RTRAF: variants seen among roughly 807,000 people sequenced by gnomAD.
RTRAF encodes tRNA-splicing ligase complex subunit RTRAF.
RTRAF carries 14 observed loss-of-function variants against 34.4 expected under a neutral mutation model. That is an observed-to-expected ratio of 0.41 (90% CI 0.27 to 0.64). RTRAF has a LOEUF of 0.64. Ranked by LOEUF, RTRAF falls within the 30% of genes least tolerant of loss-of-function variation. The pLI is 0.34. For synonymous variants in RTRAF, 96 were observed against 95.3 expected, an observed-to-expected ratio of 1.01 and a Z score of -0.04; for missense variants, 291 against 288.4, an observed-to-expected ratio of 1.01 and a Z score of -0.06.
In RTRAF at chr14:52,006,445, G is replaced by C. The variant is rs746378402; in HGVS notation, c.*1929G>C. 8.9e-5 allele frequency: 130 copies of C among 1,457,868 alleles called. No individual in the cohort carries two copies. The highest frequency in any genetic ancestry group is 1.9e-4 in the Middle Eastern group (1 of 5,400). The allele number at this position is 1,457,868 out of a possible 1,614,324, so 90.3% of individuals were successfully genotyped here. ...ACAAAAGCCTCAGAGGGCTTAATGAGTCAAGTCAGGTACTGACTTTTGGTA... is the reference window on the plus strand; with the variant it reads ...ACAAAAGCCTCAGAGGGCTTAATGACTCAAGTCAGGTACTGACTTTTGGTA... On this transcript the variant is annotated 3_prime_UTR_variant, in exon 8 of 8. Transcript: ENST00000261700.
chr14:51,993,641 T>C, intron 2 of RTRAF, 82 bp from the exon 3 acceptor site: 1 of 795,772 alleles, frequency 1.3e-6, no homozygotes. Context: ...CAAACTAAGG[T>C]CTCTTTCAAC....
intron 6 of RTRAF, among the ~76,000 whole-genome samples, chr14:52,003,701 A>T (rs1890647404): frequency 6.6e-6 from 1 of 152,000 alleles, no homozygotes; most frequent in Non-Finnish European, 1.5e-5. Flanking sequence ...AAGTCTTGAA[A>T]GTTAAATTAT....
chr14:51,989,807 C>T, intron 1 of RTRAF, 107 bp downstream of exon 1: 1 of 1,154,474 alleles, frequency 8.7e-7, no homozygotes, highest in Non-Finnish European at 1.2e-6. Context: ...GGCCTGGTTT[C>T]CGCCGGCAGC....
At chr14:52,000,829 AAAGT>A (rs1890590321) in intron 5 of RTRAF, among the ~76,000 whole-genome samples, 1 of 152,188 alleles carries the variant, frequency 6.6e-6, no homozygotes, top group Non-Finnish European at 1.5e-5. Context: ...CTTTAATCAT[AAAGT>A]AAGTGAGAGG....
chr14:52,010,687 T>C lies in RTRAF; in HGVS notation c.*6171T>C. 2 of 557,062 alleles carry C rather than the reference T, an allele frequency of 3.6e-6. No individual in the cohort carries two copies. The highest frequency in any genetic ancestry group is 6.4e-6 in the Non-Finnish European group (2 of 314,080). 34.5% of individuals were successfully genotyped at this position (557,062 alleles called of 1,614,324 possible). ...TCCTCCTAATAAAATATAAGTGCCA[T>C]GAAAGAACAGACCTTGTCTTTTCCT... On this transcript the variant is annotated 3_prime_UTR_variant, in exon 8 of 8. Transcript: ENST00000261700.
chr14:51,997,066 G>A (rs1231205664), intron 3 of RTRAF, among the ~76,000 whole-genome samples: 9 of 151,962 alleles, frequency 5.9e-5, no homozygotes, highest in African/African-American at 1.2e-4. Flanking sequence ...ACGTGATAGC[G>A]ATATGTCCCA....
chr14:52,002,346 T>C (rs1890613790), intron 6 of RTRAF, among the ~76,000 whole-genome samples: 1 of 152,232 alleles, frequency 6.6e-6, no homozygotes, highest in Non-Finnish European at 1.5e-5. Flanking sequence ...TAAGGTCACC[T>C]AGTTGGTAAG....
intron 3 of RTRAF, among the ~76,000 whole-genome samples, chr14:51,995,334 A>G (rs1890502021): frequency 6.6e-6 from 1 of 151,992 alleles, no homozygotes; most frequent in South Asian, 2.1e-4. Context: ...GGCTGCCTGA[A>G]TTCCTTGACT....
intron 6 of RTRAF, 135 bp downstream of exon 6, chr14:52,002,001 A>T: frequency 2.6e-6 from 2 of 769,228 alleles, no homozygotes; most frequent in Non-Finnish European, 4.1e-6. Context: ...AGCTTACTTC[A>T]GTGCTTCCTA....
rs545679290 is a variant in RTRAF at position 52,005,526 on chromosome 14, GTGGT to G, written c.*1011_*1014del. On this transcript the variant is annotated 3_prime_UTR_variant, in exon 8 of 8. Coordinates refer to ENST00000261700, the MANE Select transcript of RTRAF (RefSeq NM_016039.3). ...GAGAGAAGAGCAGGGGTGGGACAGGGTGGTGGGTGAGTATATTGTAACCAAGTTG... is the reference window on the plus strand; with the variant it reads ...GAGAGAAGAGCAGGGGTGGGACAGGGGGGTGAGTATATTGTAACCAAGTTG... The G allele has an allele frequency of 3.1e-6, 5 of 1,592,890 alleles. No homozygotes were observed. The Admixed American group carries it at 9.0e-5, about 29-fold the overall frequency.
In RTRAF at chr14:52,008,444, A is replaced by G. The variant is rs1309690398; in HGVS notation, c.*3928A>G. On this transcript the variant is annotated 3_prime_UTR_variant, in exon 8 of 8. Coordinates refer to ENST00000261700, the MANE Select transcript of RTRAF (RefSeq NM_016039.3). Reference sequence around the variant, plus strand: ...CCATGCCTGAGGGAGCTCGGTGAAGACACACTTGGATTCCTGACTCACAGA... The same window carrying G: ...CCATGCCTGAGGGAGCTCGGTGAAGGCACACTTGGATTCCTGACTCACAGA... 6.5e-6 allele frequency: 1 copy of G among 152,964 alleles called. No homozygotes were observed. The highest frequency in any genetic ancestry group is 1.5e-5 in the Non-Finnish European group (1 of 68,598). The allele number at this position is 152,964 out of a possible 1,614,324, so 9.5% of individuals were successfully genotyped here. A position where few individuals can be genotyped will look rare whatever the true frequency, so the allele number is the denominator to read the frequency against.
At chr14:51,990,278 T>C (rs1489224428) in intron 1 of RTRAF, among the ~76,000 whole-genome samples, 2 of 152,180 alleles carry the variant, frequency 1.3e-5, no homozygotes, top group African/African-American at 4.8e-5. Flanking sequence ...TAATAGCAGA[T>C]GAGTGGGAAG....
rs1890803108 is a variant in RTRAF at position 52,006,797 on chromosome 14, A to G, written c.*2281A>G. ...ATTACAGTCATAGATTAGCAACTGT[A>G]AAATTACCTGTCCTATTACTAGTCT... On this transcript the variant is annotated 3_prime_UTR_variant, in exon 8 of 8. Coordinates refer to ENST00000261700, the MANE Select transcript of RTRAF (RefSeq NM_016039.3). 3.4e-6 allele frequency: 3 copies of G among 874,748 alleles called. No individual in the cohort carries two copies. Among genetic ancestry groups the G allele is most frequent in the Admixed American group, 2.6e-5 (1 of 38,300 alleles). 54.2% of individuals were successfully genotyped at this position (874,748 alleles called of 1,614,324 possible).
chr14:51,995,089 G>A (rs1482167871), intron 3 of RTRAF, among the ~76,000 whole-genome samples: 3 of 151,608 alleles, frequency 2.0e-5, no homozygotes, highest in East Asian at 1.9e-4. Context: ...TGTCTTATTC[G>A]TCCCAGTAAT....
In RTRAF at chr14:52,005,405, C is replaced by A; in HGVS notation, c.*889C>A. ...CGTCTAATGGCCAATTCCTTTTTTA[C>A]TTTCTTTGCCTTTGCAGTCACTGTT... On this transcript the variant is annotated 3_prime_UTR_variant, in exon 8 of 8. Transcript: ENST00000261700. The A allele has an allele frequency of 2.9e-6, 4 of 1,364,706 alleles. No individual in the cohort carries two copies. Among genetic ancestry groups the A allele is most frequent in the Non-Finnish European group, 3.9e-6 (4 of 1,022,530 alleles). 84.5% of individuals were successfully genotyped at this position (1,364,706 alleles called of 1,614,324 possible). A position where few individuals can be genotyped will look rare whatever the true frequency, so the allele number is the denominator to read the frequency against.
At chr14:52,000,137 G>C (rs1353571066) in intron 5 of RTRAF, among the ~76,000 whole-genome samples, 1 of 152,094 alleles carries the variant, frequency 6.6e-6, no homozygotes, top group Non-Finnish European at 1.5e-5. Flanking sequence ...AGGATTTTAA[G>C]CACTATAACC....
chr14:52,000,235 G>A (rs563102994), intron 5 of RTRAF, among the ~76,000 whole-genome samples: 10 of 152,124 alleles, frequency 6.6e-5, no homozygotes, highest in African/African-American at 1.2e-4. Flanking sequence ...TAAGATGGTC[G>A]AAAATGCCAA....
intron 3 of RTRAF, among the ~76,000 whole-genome samples, chr14:51,997,753 T>G (rs140162523): frequency 6.7e-6 from 1 of 149,142 alleles, no homozygotes; most frequent in Non-Finnish European, 1.5e-5. Context: ...GGTTTTTGGA[T>G]TTTATGTACA....
At chr14:51,999,628 G>A (rs1594987136) in intron 4 of RTRAF, 80 bp from the exon 5 acceptor site, 1 of 1,002,720 alleles carries the variant, frequency 1.0e-6, no homozygotes, top group East Asian at 2.5e-5. Flanking sequence ...AGTTAAAAAT[G>A]TTTTTGTATG....
Sources: allele counts gnomAD v4.1 joint callset (sites outside exome capture counted in the v4.1 genomes callset), GRCh38; gene constraint gnomAD v4.1.1; transcripts MANE v1.5; gene names NCBI Gene and HGNC (gene_info 2026-07-23, HGNC 2026-07-21).